The following EDIL3 variants were observed in gnomAD, a reference collection of about 807,000 sequenced individuals.
EDIL3 encodes the protein EGF like and discoidin domains 3.
Under a neutral mutation model 67.4 loss-of-function variants are expected in EDIL3, and 37 were observed. The ratio of observed to expected loss-of-function variants is 0.55; its 90% confidence interval spans 0.42 to 0.72. EDIL3 has a LOEUF of 0.72. Among genes scored for constraint, EDIL3 ranks in the 30% least tolerant of loss-of-function variants. The pLI is 0.00. For missense variants in EDIL3, 527 were observed against 586.3 expected, an observed-to-expected ratio of 0.90 and a Z score of 1.04; for synonymous variants, 195 against 196.3, an observed-to-expected ratio of 0.99 and a Z score of 0.05.
chr5:84,275,593 T>C (rs2112101248), intron 1 of EDIL3, among the ~76,000 whole-genome samples: 1 of 152,324 alleles, frequency 6.6e-6, no homozygotes, highest in South Asian at 2.1e-4. Flanking sequence ...CCAACTGAAT[T>C]GGTTTTAGTG....
At chr5:84,123,013 C>T (rs529083258) in intron 5 of EDIL3, among the ~76,000 whole-genome samples, 3 of 152,000 alleles carry the variant, frequency 2.0e-5, no homozygotes, top group Admixed American at 6.6e-5. Flanking sequence ...GAACTGCCTA[C>T]CTCAAGAACT....
chr5:83,948,896 A>G lies in EDIL3; in HGVS notation c.1294-5328T>C, dbSNP rs142275366. Among the ~76,000 whole-genome samples the G allele has an allele frequency of 1.6e-4, 24 of 151,940 alleles. 1 individual carries two copies. The highest frequency in any genetic ancestry group is 3.9e-4 in the African/African-American group (16 of 41,504). ...ATTCTTGATGTTTTTCTCTGCAATC[A>G]ATTCCACTAAACCAATGAAACTCTG... On this transcript the variant is annotated intron_variant, in intron 10 of 10. Transcript: ENST00000296591.
At chr5:84,113,923 A>T (rs1385932279) in intron 5 of EDIL3, among the ~76,000 whole-genome samples, 1 of 152,190 alleles carries the variant, frequency 6.6e-6, no homozygotes, top group East Asian at 1.9e-4. Flanking sequence ...AATTGTGCTG[A>T]ATGCAAGCAC....
intron 1 of EDIL3, among the ~76,000 whole-genome samples, chr5:84,383,695 C>T (rs1047708189): frequency 2.0e-5 from 3 of 152,080 alleles, no homozygotes; most frequent in Non-Finnish European, 4.4e-5. Context: ...TTGCTGTAAT[C>T]GATGCTGCTC....
intron 3 of EDIL3, among the ~76,000 whole-genome samples, chr5:84,198,282 C>T (rs1483236950): frequency 3.3e-5 from 5 of 151,398 alleles, no homozygotes; most frequent in African/African-American, 9.7e-5. Flanking sequence ...CAAGATAGTG[C>T]TTCTGATGAT....
At chr5:84,240,383 T>C (rs914724660) in intron 2 of EDIL3, among the ~76,000 whole-genome samples, 10 of 152,240 alleles carry the variant, frequency 6.6e-5, no homozygotes, top group African/African-American at 2.2e-4. Context: ...GGAAATAACA[T>C]TGAAGACTAT....
chr5:84,224,623 C>G (rs978730117), intron 3 of EDIL3, among the ~76,000 whole-genome samples: 1 of 151,500 alleles, frequency 6.6e-6, no homozygotes, highest in East Asian at 1.9e-4. Flanking sequence ...AAATACATAT[C>G]ATATGTTCAG....
At chr5:84,260,449 GA>G (rs1454405219) in intron 1 of EDIL3, among the ~76,000 whole-genome samples, 2 of 152,164 alleles carry the variant, frequency 1.3e-5, no homozygotes, top group African/African-American at 4.8e-5. Context: ...ATTTTTAATA[GA>G]AACTGATTGA....
chr5:84,187,893 T>C (rs1743498536), intron 3 of EDIL3, among the ~76,000 whole-genome samples: 1 of 152,046 alleles, frequency 6.6e-6, no homozygotes, highest in African/African-American at 2.4e-5. Flanking sequence ...ATGTGCAAAA[T>C]TCAGCCATTT....
intron 9 of EDIL3, among the ~76,000 whole-genome samples, chr5:83,995,471 C>A (rs147837367): frequency 3.3e-5 from 5 of 152,174 alleles, no homozygotes; most frequent in Admixed American, 6.6e-5. Flanking sequence ...AATTATCCAG[C>A]AATAATCATT....
intron 3 of EDIL3, among the ~76,000 whole-genome samples, chr5:84,200,025 C>A (rs2112377049): frequency 6.6e-6 from 1 of 152,066 alleles, no homozygotes; most frequent in South Asian, 2.1e-4. Flanking sequence ...TACAAGTCCC[C>A]CAGAAGGCTG....
At chr5:84,284,519 A>G (rs1445747) in intron 1 of EDIL3, among the ~76,000 whole-genome samples, 91,012 of 151,972 alleles carry the variant, frequency 0.6, 27,472 homozygotes, top group East Asian at 0.82. Flanking sequence ...GGCCATCATC[A>G]CTGTCCAAAA....
chr5:83,988,999 G>C (rs1745104090), intron 9 of EDIL3, among the ~76,000 whole-genome samples: 1 of 152,148 alleles, frequency 6.6e-6, no homozygotes, highest in Non-Finnish European at 1.5e-5. Context: ...ACCATTGAAA[G>C]ATGATTTTTA....
intron 4 of EDIL3, among the ~76,000 whole-genome samples, chr5:84,146,833 CA>C (rs1158402498): frequency 1.3e-4 from 20 of 151,914 alleles, no homozygotes; most frequent in Admixed American, 1.3e-3. Flanking sequence ...AAAATTTTGT[CA>C]TTTTTTTTCT....
intron 9 of EDIL3, among the ~76,000 whole-genome samples, chr5:84,041,039 G>A (rs965432108): frequency 6.6e-6 from 1 of 152,062 alleles, no homozygotes; most frequent in Non-Finnish European, 1.5e-5. Context: ...TCTGAGGTAG[G>A]AGGATCGCTT....
chr5:84,355,216 C>T (rs972296108), intron 1 of EDIL3, among the ~76,000 whole-genome samples: 1 of 151,942 alleles, frequency 6.6e-6, no homozygotes, highest in Non-Finnish European at 1.5e-5. Context: ...TGTCTTCACG[C>T]TTTATTTCAT....
In EDIL3 at chr5:84,223,628, G is replaced by T. The variant is rs946985119; in HGVS notation, c.226+6227C>A. Among the ~76,000 whole-genome samples, 3 of 151,636 alleles carry T rather than the reference G, an allele frequency of 2.0e-5. No homozygotes were observed. The East Asian group carries it at 5.8e-4, about 29-fold the overall frequency. ...TAGTGGTTACTGGGGTGGGTGTAAG[G>T]AATGGGGGAAATATAAGTCAAATGG... On this transcript the variant is annotated intron_variant, in intron 3 of 10. Coordinates refer to ENST00000296591, the MANE Select transcript of EDIL3 (RefSeq NM_005711.5).
chr5:84,165,767 A>G (rs563129989), intron 4 of EDIL3, among the ~76,000 whole-genome samples: 21 of 152,304 alleles, frequency 1.4e-4, no homozygotes, highest in African/African-American at 5.1e-4. Flanking sequence ...GCAAGGTAAC[A>G]TTAACATAAT....
chr5:84,141,906 C>CAT (rs1178660927), intron 4 of EDIL3, among the ~76,000 whole-genome samples: 2,191 of 96,762 alleles, frequency 0.023, 93 homozygotes, highest in African/African-American at 0.063. Context: ...ACAAACTACT[C>CAT]ATATATATAT....
Sources: allele counts gnomAD v4.1 joint callset (sites outside exome capture counted in the v4.1 genomes callset), GRCh38; gene constraint gnomAD v4.1.1; transcripts MANE v1.5; gene names NCBI Gene and HGNC (gene_info 2026-07-23, HGNC 2026-07-21).